The following EXO1 variants were observed in gnomAD, a reference collection of about 807,000 sequenced individuals.
EXO1 encodes the protein exonuclease 1.
A neutral mutation model predicts 84.5 loss-of-function variants in EXO1; 69 were observed. The observed-to-expected ratio is 0.82, with a 90% CI of 0.67 to 1.00. The LOEUF (loss-of-function observed/expected upper bound fraction) is 1.00, where lower values mean the gene tolerates loss of function less well. EXO1 is among the 50% of genes least tolerant of loss of function. EXO1 has a pLI of 0.00. For synonymous variants in EXO1, 373 were observed against 366.1 expected, an observed-to-expected ratio of 1.02 and a Z score of -0.21; for missense variants, 1,045 against 1,000.7, an observed-to-expected ratio of 1.04 and a Z score of -0.60.
intron 10 of EXO1, among the ~76,000 whole-genome samples, chr1:241,865,529 G>A (rs1242218956): frequency 6.6e-6 from 1 of 152,066 alleles, no homozygotes; most frequent in African/African-American, 2.4e-5. Flanking sequence ...CATTAAGAAT[G>A]ATTCTTAAGC....
intron 6 of EXO1, among the ~76,000 whole-genome samples, chr1:241,856,506 G>GTA (rs1399892835): frequency 6.6e-6 from 1 of 151,880 alleles, no homozygotes; most frequent in African/African-American, 2.4e-5. Context: ...ATGTATGTGT[G>GTA]TATATATACG....
At position 241,889,482 on chromosome 1, in the gene EXO1, C is replaced by G. The variant is rs368166916; in HGVS notation, c.2423C>G (p.Pro808Arg). Residue 808 changes from proline (P) to arginine (R), a missense_variant, in exon 16 of 16, where the codon CCT (proline) becomes CGT (arginine). Coordinates refer to ENST00000366548, the MANE Select transcript of EXO1 (RefSeq NM_130398.4). ...TTTTGCAGAGATTCTGAAAAGCTTCCTCCTTGTAAGAAACCCCTGTCCCCA... is the reference window on the plus strand; with the variant it reads ...TTTTGCAGAGATTCTGAAAAGCTTCGTCCTTGTAAGAAACCCCTGTCCCCA... ...FGFKKDSEKL[P>R]PCKKPLSPVR... 3.1e-6 allele frequency: 5 copies of G among 1,613,380 alleles called. No individual in the cohort carries two copies. In the African/African-American group the frequency reaches 5.3e-5, roughly 17 times the overall value.
Position 241,875,532 on chromosome 1 carries a change from A to T in EXO1, c.1515-3217A>T, listed in dbSNP as rs1366511681. On this transcript the variant is annotated intron_variant, in intron 12 of 15. Coordinates refer to ENST00000366548, the MANE Select transcript of EXO1 (RefSeq NM_130398.4). ...TCACCCTTGTTAAAGGTGCTTGTTA[A>T]CAGTGGAATGATGAAAAATTGGCCA... is the stretch of plus-strand genomic sequence containing the variant. 2.6e-5 allele frequency among the ~76,000 whole-genome samples: 4 copies of T among 152,230 alleles called. No individual in the cohort carries two copies. The East Asian group carries it at 5.8e-4, about 22-fold the overall frequency.
At chr1:241,878,544 AT>A (rs1209930923) in intron 12 of EXO1, among the ~76,000 whole-genome samples, 1 of 152,106 alleles carries the variant, frequency 6.6e-6, no homozygotes, top group Non-Finnish European at 1.5e-5. Flanking sequence ...CATCGTATAA[AT>A]AGAATTCTAA....
intron 4 of EXO1, among the ~76,000 whole-genome samples, chr1:241,851,593 C>A (rs1274693156): frequency 6.6e-6 from 1 of 152,140 alleles, no homozygotes; most frequent in East Asian, 1.9e-4. Flanking sequence ...ATACCTGACC[C>A]TTGATTGGAT....
At position 241,866,893 on chromosome 1, in the gene EXO1, A is replaced by C; in HGVS notation, c.1105A>C (p.Ser369Arg). ...KTCQKSANVS[S>R]IWHRNYSPRP... ...ATGTCAAAAGTCAGCTAATGTTAGC[A>C]GCATTTGGCATAGGAATTACTCTCC... Residue 369 changes from serine (S) to arginine (R), a missense_variant, in exon 11 of 16, where the codon AGC (serine) becomes CGC (arginine). Ser to Arg is a moderately radical substitution (Grantham distance 110). Transcript: ENST00000366548. The C allele has an allele frequency of 1.2e-6, 2 of 1,614,172 alleles. No individual in the cohort carries two copies. The highest frequency in any genetic ancestry group is 1.7e-6 in the Non-Finnish European group (2 of 1,179,974).
intron 12 of EXO1, among the ~76,000 whole-genome samples, chr1:241,873,025 T>C (rs1430343598): frequency 1.3e-5 from 2 of 152,052 alleles, no homozygotes; most frequent in African/African-American, 4.8e-5. Context: ...TGTTGTTTCC[T>C]GACTTTTTAA....
intron 12 of EXO1, among the ~76,000 whole-genome samples, chr1:241,876,901 G>C (rs1488795785): frequency 6.6e-6 from 1 of 152,074 alleles, no homozygotes; most frequent in African/African-American, 2.4e-5. Context: ...TTCACACACT[G>C]TTCACCTCCC....
chr1:241,850,319 C>T lies in EXO1; in HGVS notation c.-17-90C>T, dbSNP rs1574127281. 5.4e-6 allele frequency: 5 copies of T among 923,868 alleles called. No individual in the cohort carries two copies. In the East Asian group the frequency reaches 1.3e-4, roughly 24 times the overall value. 57.2% of individuals were successfully genotyped at this position (923,868 alleles called of 1,614,324 possible). ...ACAACAAACCAATTTCTGCATTGGA[C>T]TCCAAGCTTTCTCTTCATTTGTCTA... On this transcript the variant is annotated intron_variant, in intron 3 of 15. Coordinates refer to ENST00000366548, the MANE Select transcript of EXO1 (RefSeq NM_130398.4).
rs759751320 is a variant in EXO1 at position 241,858,582 on chromosome 1, G to A, written c.620G>A (p.Gly207Glu). The A allele has an allele frequency of 5.0e-6, 8 of 1,613,944 alleles. No homozygotes were observed. The highest frequency in any genetic ancestry group is 1.3e-5 in the African/African-American group (1 of 74,892). The change falls in exon 8 of 16, where the codon GGG becomes GAG. Residue 207 changes from glycine (G) to glutamate (E), a missense_variant. Physicochemically the swap from Gly to Glu is moderately conservative, Grantham distance 98. Transcript: ENST00000366548. ...CGGCTAGGAATGTGCAGACAGCTTG[G>A]GGATGTATTCACGGAAGAGAAGTTT... ...QARLGMCRQL[G>E]DVFTEEKFRY...
chr1:241,868,644 A>C (rs1482712046), intron 11 of EXO1, among the ~76,000 whole-genome samples: 2 of 152,200 alleles, frequency 1.3e-5, no homozygotes, highest in African/African-American at 4.8e-5. Context: ...CCCCAGCCTG[A>C]GTGACAGAAC....
intron 11 of EXO1, among the ~76,000 whole-genome samples, chr1:241,868,965 ATTAG>A (rs1661920157): frequency 6.6e-6 from 1 of 152,224 alleles, no homozygotes; most frequent in South Asian, 2.1e-4. Flanking sequence ...CACGTCACGT[ATTAG>A]TTCTAGTATC....
intron 11 of EXO1, among the ~76,000 whole-genome samples, chr1:241,869,088 T>C (rs1042498450): frequency 1.3e-5 from 2 of 152,222 alleles, no homozygotes; most frequent in Non-Finnish European, 2.9e-5. Flanking sequence ...TTCTTTTTCT[T>C]AGTATAAGAA....
rs964798478 is a variant in EXO1 at position 241,879,247 on chromosome 1, A to G, written c.2013A>G (p.Ala671=). 3.1e-6 allele frequency: 5 copies of G among 1,599,852 alleles called. No individual in the cohort carries two copies. Among genetic ancestry groups the G allele is most frequent in the African/African-American group, 2.7e-5 (2 of 74,204 alleles). The change falls in exon 13 of 16, where the codon GCA becomes GCG. Residue 671 remains alanine (A), a synonymous_variant. Coordinates refer to ENST00000366548, the MANE Select transcript of EXO1 (RefSeq NM_130398.4). The part of the protein sequence containing the change: ...DDESHPLREE[A]CSSQSQESGE... ...AGTCTCATCCCTTACGAGAAGAGGC[A>G]TGTTCTTCACAGTCCCAGGAAAGTG... is the stretch of plus-strand genomic sequence containing the variant.
intron 10 of EXO1, among the ~76,000 whole-genome samples, chr1:241,862,375 C>G (rs531247746): frequency 1.3e-5 from 2 of 152,250 alleles, no homozygotes; most frequent in South Asian, 4.2e-4. Flanking sequence ...TAGGTAAGTC[C>G]TTAGGGCTTT....
chr1:241,874,212 G>T (rs187332653), intron 12 of EXO1, among the ~76,000 whole-genome samples: 1 of 152,270 alleles, frequency 6.6e-6, no homozygotes, highest in Non-Finnish European at 1.5e-5. Context: ...TAGCCTGGAT[G>T]AAATGGGGAA....
intron 10 of EXO1, among the ~76,000 whole-genome samples, chr1:241,864,341 A>G (rs1661585637): frequency 6.6e-6 from 1 of 152,178 alleles, no homozygotes; most frequent in Admixed American, 6.5e-5. Flanking sequence ...AGGGAAAGTG[A>G]GTTGGGGCAG....
chr1:241,851,724 T>A (rs1031301688), intron 4 of EXO1, among the ~76,000 whole-genome samples: 2 of 152,178 alleles, frequency 1.3e-5, no homozygotes, highest in Admixed American at 1.3e-4. Flanking sequence ...CATCTGCCAT[T>A]GAGAAATATT....
Position 241,852,393 on chromosome 1 carries a change from TAGAG to T in EXO1, c.267_270del (p.Glu89AspfsTer44), listed in dbSNP as rs1660723131. The T allele has an allele frequency of 1.9e-6, 3 of 1,595,642 alleles. No individual in the cohort carries two copies. Among genetic ancestry groups the T allele is most frequent in the East Asian group, 2.2e-5 (1 of 44,780 alleles). ...TGTACTTTACCTTCTAAAAAGGAAG[TAGAG>T]AGATCTAGAAGAGAGTAAGTTAATT... On this transcript the variant is annotated frameshift_variant, in exon 5 of 16. Coordinates refer to ENST00000366548, the MANE Select transcript of EXO1 (RefSeq NM_130398.4). LOFTEE classifies it high-confidence loss of function.
Sources: allele counts gnomAD v4.1 joint callset (sites outside exome capture counted in the v4.1 genomes callset), GRCh38; gene constraint gnomAD v4.1.1; transcripts MANE v1.5; gene names NCBI Gene and HGNC (gene_info 2026-07-23, HGNC 2026-07-21).